FBXO36: variants seen among roughly 807,000 people sequenced by gnomAD.
The protein encoded by FBXO36 is F-box only protein 36.
In FBXO36, 18 loss-of-function variants were observed where a neutral mutation model predicts 17.0. That is an observed-to-expected ratio of 1.06 (90% CI 0.73 to 1.57). The LOEUF is 1.57. Ranked by LOEUF, FBXO36 falls within the 40% of genes most tolerant of loss-of-function variation. The pLI is 0.00. For synonymous variants in FBXO36, 83 were observed against 85.3 expected (o/e 0.97, Z 0.15); for missense variants, 229 against 221.9 (o/e 1.03, Z -0.20).
intron 2 of FBXO36, among the ~76,000 whole-genome samples, chr2:229,994,241 T>C (rs1285484285): frequency 6.6e-6 from 1 of 152,148 alleles, no homozygotes; most frequent in Non-Finnish European, 1.5e-5. Context: ...GGGCAGAGGA[T>C]CTTCACAATA....
intron 1 of FBXO36, among the ~76,000 whole-genome samples, chr2:229,946,122 G>A (rs969299259): frequency 1.3e-5 from 2 of 152,104 alleles, no homozygotes; most frequent in African/African-American, 2.4e-5. Flanking sequence ...TGTGGTGGAG[G>A]GAAGGAAGCG....
At chr2:229,958,257 CTTTTTTTT>C (rs1161188534) in intron 1 of FBXO36, among the ~76,000 whole-genome samples, 6 of 78,674 alleles carry the variant, frequency 7.6e-5, no homozygotes, top group African/African-American at 1.6e-4. Flanking sequence ...CTCTGACTTT[CTTTTTTTT>C]TTTTTTTTTT....
At chr2:229,978,338 T>G (rs1308402800) in intron 2 of FBXO36, among the ~76,000 whole-genome samples, 1 of 151,580 alleles carries the variant, frequency 6.6e-6, no homozygotes, top group Non-Finnish European at 1.5e-5. Context: ...ATCCCAGCAC[T>G]TCGGAAGGCC....
chr2:229,963,860 C>T (rs914109912), intron 1 of FBXO36, among the ~76,000 whole-genome samples: 5 of 152,124 alleles, frequency 3.3e-5, no homozygotes, highest in African/African-American at 1.2e-4. Context: ...GCCAAATTTC[C>T]CTCCATACAT....
At chr2:229,993,912 C>T (rs759988512) in intron 2 of FBXO36, among the ~76,000 whole-genome samples, 40 of 152,010 alleles carry the variant, frequency 2.6e-4, no homozygotes, top group African/African-American at 2.7e-4. Context: ...CCCACCACCA[C>T]GCCCGGCTAA....
chr2:229,938,129 G>A (rs977905144), intron 1 of FBXO36, among the ~76,000 whole-genome samples: 2 of 151,498 alleles, frequency 1.3e-5, no homozygotes, highest in Non-Finnish European at 2.9e-5. Flanking sequence ...TATCATGCCC[G>A]GCTAATTTTT....
At chr2:229,938,620 G>C in intron 1 of FBXO36, among the ~76,000 whole-genome samples, 1 of 149,222 alleles carries the variant, frequency 6.7e-6, no homozygotes, top group South Asian at 2.1e-4. Flanking sequence ...GAGTAGCTGG[G>C]ATTACAGGCA....
rs111828059 is a variant in FBXO36 at position 229,968,796 on chromosome 2, T to C, written c.97-7445T>C. 3.1e-3 allele frequency among the ~76,000 whole-genome samples: 475 copies of C among 152,036 alleles called. 2 individuals are homozygous for C. The highest frequency in any genetic ancestry group is 0.011 in the African/African-American group (446 of 41,472). ...TTATTATTATTATTATTTTTTGAAA[T>C]GGAGTCTTGTTCTGTTGCCCAGGCT... On this transcript the variant is annotated intron_variant, in intron 1 of 3. Coordinates refer to ENST00000283946, the MANE Select transcript of FBXO36 (RefSeq NM_174899.5).
chr2:229,938,498 T>TC (rs2076978609), intron 1 of FBXO36, among the ~76,000 whole-genome samples: 1 of 147,032 alleles, frequency 6.8e-6, no homozygotes, highest in Non-Finnish European at 1.5e-5. Flanking sequence ...TTTTTTTTTT[T>TC]CTTGAAGTGG....
At chr2:229,924,717 T>C (rs1378529898) in intron 1 of FBXO36, among the ~76,000 whole-genome samples, 1 of 152,154 alleles carries the variant, frequency 6.6e-6, no homozygotes, top group Non-Finnish European at 1.5e-5. Flanking sequence ...GTTGGTGTTC[T>C]TCAGACTTTG....
intron 1 of FBXO36, among the ~76,000 whole-genome samples, chr2:229,969,885 G>A (rs994869663): frequency 6.6e-6 from 1 of 151,964 alleles, no homozygotes; most frequent in African/African-American, 2.4e-5. Flanking sequence ...ACATTAAGAG[G>A]TATTTCACCG....
intron 1 of FBXO36, among the ~76,000 whole-genome samples, chr2:229,947,291 T>A (rs2077032144): frequency 6.6e-6 from 1 of 152,214 alleles, no homozygotes; most frequent in African/African-American, 2.4e-5. Context: ...AAAAGTTATA[T>A]TTTACAGAGT....
At chr2:229,975,103 A>G (rs1214094073) in intron 1 of FBXO36, among the ~76,000 whole-genome samples, 1 of 152,224 alleles carries the variant, frequency 6.6e-6, no homozygotes, top group Non-Finnish European at 1.5e-5. Context: ...TGAAATCAAC[A>G]CAGCCTTTAA....
chr2:229,948,518 G>T, intron 1 of FBXO36, among the ~76,000 whole-genome samples: 1 of 129,278 alleles, frequency 7.7e-6, no homozygotes, highest in African/African-American at 2.8e-5. Context: ...GGGCTTTAGA[G>T]AAAAAAAAAA....
intron 2 of FBXO36, among the ~76,000 whole-genome samples, chr2:229,986,229 G>A (rs1174217438): frequency 6.6e-6 from 1 of 152,196 alleles, no homozygotes; most frequent in South Asian, 2.1e-4. Context: ...ACTGGGCAAT[G>A]TAGCTCACAC....
At chr2:229,954,267 G>A (rs1422421595) in intron 1 of FBXO36, among the ~76,000 whole-genome samples, 2 of 16,778 alleles carry the variant, frequency 1.2e-4, no homozygotes, top group African/African-American at 1.0e-4. Context: ...TTTTGAGACA[G>A]AGTCTCACTC....
Position 229,985,459 on chromosome 2 carries a change from C to T in FBXO36, c.205+9110C>T, listed in dbSNP as rs189091244. On this transcript the variant is annotated intron_variant, in intron 2 of 3. Transcript: ENST00000283946. ...AGCCTTTAACTTGGGCCTTTATTTT[C>T]TCATTCCTAACTAACACCTCTTACA... Among the ~76,000 whole-genome samples the T allele has an allele frequency of 4.7e-3, 708 of 152,094 alleles. 5 individuals are homozygous for T. The highest frequency in any genetic ancestry group is 0.016 in the African/African-American group (668 of 41,472).
At chr2:229,954,629 G>T (rs1340262497) in intron 1 of FBXO36, among the ~76,000 whole-genome samples, 1 of 130,452 alleles carries the variant, frequency 7.7e-6, no homozygotes, top group Non-Finnish European at 1.6e-5. Context: ...CTCACTGCAA[G>T]CTCCCCCTCC....
chr2:229,951,019 C>T (rs1414488711), intron 1 of FBXO36, among the ~76,000 whole-genome samples: 1 of 152,042 alleles, frequency 6.6e-6, no homozygotes, highest in East Asian at 1.9e-4. Context: ...CTGCAACCTC[C>T]GCCTCCTGGG....
Sources: allele counts gnomAD v4.1 joint callset (sites outside exome capture counted in the v4.1 genomes callset), GRCh38; gene constraint gnomAD v4.1.1; transcripts MANE v1.5; gene names NCBI Gene and HGNC (gene_info 2026-07-23, HGNC 2026-07-21).